Variants in PRDM15 observed in about 807,000 individuals in gnomAD.
The protein encoded by PRDM15 is PR domain zinc finger protein 15.
In PRDM15, 64 loss-of-function variants were observed where a neutral mutation model predicts 128.6. That is an observed-to-expected ratio of 0.50 (90% CI 0.41 to 0.61). The LOEUF (loss-of-function observed/expected upper bound fraction) is 0.61, where lower values mean the gene tolerates loss of function less well. Among genes scored for constraint, PRDM15 ranks in the 20% least tolerant of loss-of-function variants. PRDM15 has a pLI of 0.00. For missense variants in PRDM15, 1,242 were observed against 1,569.1 expected (o/e 0.79, Z 3.52); for synonymous variants, 615 against 621.8 (o/e 0.99, Z 0.16).
chr21:41,851,316 G>A (rs1418058283), intron 5 of PRDM15, among the ~76,000 whole-genome samples: 3 of 152,328 alleles, frequency 2.0e-5, no homozygotes, highest in East Asian at 3.9e-4. Context: ...GCCTCTCTTC[G>A]AAGGTCTTGT....
chr21:41,810,015 A>G lies in PRDM15; in HGVS notation c.2652+139T>C. 1.3e-6 allele frequency: 1 copy of G among 792,280 alleles called. No individual in the cohort carries two copies. Among genetic ancestry groups the G allele is most frequent in the Non-Finnish European group, 2.0e-6 (1 of 509,074 alleles). The allele number at this position is 792,280 out of a possible 1,614,324, so 49.1% of individuals were successfully genotyped here. On this transcript the variant is annotated intron_variant, in intron 21 of 23. Coordinates refer to ENST00000398548, the MANE Select transcript of PRDM15 (RefSeq NM_001040424.3). The surrounding 1 kb of genome is among the most constrained non-coding windows in gnomAD (Gnocchi z 6.4). ...TGCCTCCTGTGTGGCAGGCAGTGCC[A>G]GTCACAGACGCACCTAAGACTCAGG...
rs1601521898 is a variant in PRDM15, at chr21:41,878,829, C to G, written c.-10+441G>C. On this transcript the variant is annotated intron_variant, in intron 1 of 23. Coordinates refer to ENST00000398548, the MANE Select transcript of PRDM15 (RefSeq NM_001040424.3). ...CGACGACGCCGCCCGGCGGCGGGGG[C>G]CGCGGGGCCGCGGGCCGGGGCGGCG... is the stretch of plus-strand genomic sequence containing the variant. 3.0e-6 allele frequency: 3 copies of G among 986,616 alleles called. 1 individual carries two copies. Among genetic ancestry groups the G allele is most frequent in the South Asian group, 1.0e-4 (2 of 20,004 alleles). The allele number at this position is 986,616 out of a possible 1,614,324, so 61.1% of individuals were successfully genotyped here.
intron 5 of PRDM15, among the ~76,000 whole-genome samples, chr21:41,847,981 G>A (rs911483260): frequency 1.3e-5 from 2 of 152,212 alleles, no homozygotes; most frequent in Middle Eastern, 3.2e-3. Context: ...CAATTGGGAG[G>A]CGTTTTAAGT....
In PRDM15 at chr21:41,828,707, G is replaced by A. The variant is rs2062559880; in HGVS notation, c.1367-374C>T. Among the ~76,000 whole-genome samples the A allele has an allele frequency of 6.6e-6, 1 of 151,830 alleles. No individual in the cohort carries two copies. Among genetic ancestry groups the A allele is most frequent in the African/African-American group, 2.4e-5 (1 of 41,214 alleles). On this transcript the variant is annotated intron_variant, in intron 11 of 23. Transcript: ENST00000398548. This position sits in a 1 kb window ranked among gnomAD's most constrained non-coding sequence, Gnocchi z 5.7. ...CACCCTCCACCCAGCATGACTGACT[G>A]ACAGATAGAATGACCTACCTACCAA... is the stretch of plus-strand genomic sequence containing the variant.
rs760650245 is a variant in PRDM15 at position 41,804,557 on chromosome 21, C to T, written c.2710G>A (p.Ala904Thr). 1.1e-5 allele frequency: 17 copies of T among 1,569,916 alleles called. No individual in the cohort carries two copies. Among genetic ancestry groups the T allele is most frequent in the Admixed American group, 3.8e-5 (2 of 52,810 alleles). ...DHLPETTTIDASSIGIVQPEL... is the reference protein window; with the variant it reads ...DHLPETTTIDTSSIGIVQPEL... ...ACCTGGACGATGCCAATGGAGGAGG[C>T]GTCGATGGTGGTGGTCTCCGGGAGG... The change falls in exon 22 of 24, where the codon GCC (alanine) becomes ACC (threonine). Residue 904 changes from alanine to threonine, a missense_variant. Around this residue, in one of 3 missense-constraint regions of PRDM15, gnomAD observed 602 missense variants for 788.3 expected, o/e 0.76. Transcript: ENST00000398548.
chr21:41,821,038 C>T lies in PRDM15; in HGVS notation c.2060+29G>A, dbSNP rs375375254. The T allele has an allele frequency of 6.2e-7, 1 of 1,613,916 alleles. No homozygotes were observed. Among genetic ancestry groups the T allele is most frequent in the African/African-American group, 1.3e-5 (1 of 74,926 alleles). On this transcript the variant is annotated intron_variant, in intron 16 of 23. Transcript: ENST00000398548. The surrounding 1 kb of genome is among the most constrained non-coding windows in gnomAD (Gnocchi z 5.4). ...GAAGCATGTCCCCTCTCTCCTGACA[C>T]AACCCGGGAGCCCCCGACCAGGCCT...
At chr21:41,860,621 CCAT>C (rs995402640) in intron 1 of PRDM15, among the ~76,000 whole-genome samples, 4 of 152,152 alleles carry the variant, frequency 2.6e-5, no homozygotes, top group African/African-American at 9.7e-5. Context: ...CGGGGTTTCA[CCAT>C]GTTGGCCAGG....
chr21:41,810,308 G>T lies in PRDM15; in HGVS notation c.2498C>A (p.Ser833Tyr). 1 of 1,613,244 alleles carries T rather than the reference G, an allele frequency of 6.2e-7. No individual in the cohort carries two copies. The highest frequency in any genetic ancestry group is 1.1e-5 in the South Asian group (1 of 90,954). ...IHTVGKQWTC[S>Y]VCDKKYVTEY... ...GGTCACGTACTTCTTGTCGCACACG[G>T]AGCACGTCCACTGCTTGCCCACTTT... The change falls in exon 21 of 24, where the codon TCC (serine) becomes TAC (tyrosine). Residue 833 changes from serine (S) to tyrosine (Y), a missense_variant. Ser to Tyr is a moderately radical substitution (Grantham distance 144). Around this residue, in one of 3 missense-constraint regions of PRDM15, gnomAD observed 602 missense variants for 788.3 expected, o/e 0.76. Coordinates refer to ENST00000398548, the MANE Select transcript of PRDM15 (RefSeq NM_001040424.3). This position sits in a 1 kb window ranked among gnomAD's most constrained non-coding sequence, Gnocchi z 6.4.
intron 7 of PRDM15, among the ~76,000 whole-genome samples, chr21:41,838,749 G>A (rs2062977296): frequency 6.6e-6 from 1 of 152,212 alleles, no homozygotes. Context: ...GCGCCCAACA[G>A]TGCACAGCCT....
At chr21:41,878,202 T>C (rs2064488961) in intron 1 of PRDM15, among the ~76,000 whole-genome samples, 1 of 152,252 alleles carries the variant, frequency 6.6e-6, no homozygotes, top group South Asian at 2.1e-4. Context: ...TTCACTTGAG[T>C]CTGGCTTAAG....
At chr21:41,838,715 G>A (rs1247660518) in intron 7 of PRDM15, among the ~76,000 whole-genome samples, 1 of 152,214 alleles carries the variant, frequency 6.6e-6, no homozygotes, top group Non-Finnish European at 1.5e-5. Context: ...ACTGGCCAGG[G>A]GGCTTTCAGG....
intron 1 of PRDM15, among the ~76,000 whole-genome samples, chr21:41,872,650 T>A (rs1487873725): frequency 1.3e-5 from 2 of 152,148 alleles, no homozygotes; most frequent in South Asian, 2.1e-4. Context: ...ACATGTATCA[T>A]CTCTTTGTGT....
In PRDM15 at chr21:41,828,340, A is replaced by G. The variant is rs377658478; in HGVS notation, c.1367-7T>C. The G allele has an allele frequency of 6.2e-7, 1 of 1,613,766 alleles. No homozygotes were observed. The highest frequency in any genetic ancestry group is 1.3e-5 in the African/African-American group (1 of 75,014). Reference sequence around the variant, plus strand: ...CATTGGAACGTCTTGTCATCTGTCCAGAGAGCAAACAAACACACAACGATT... The same window carrying G: ...CATTGGAACGTCTTGTCATCTGTCCGGAGAGCAAACAAACACACAACGATT... On this transcript the variant is annotated splice_region_variant and splice_polypyrimidine_tract_variant and intron_variant, in intron 11 of 23. Transcript: ENST00000398548. The surrounding 1 kb of genome is among the most constrained non-coding windows in gnomAD (Gnocchi z 5.7).
At chr21:41,809,067 G>A (rs2061772698) in intron 21 of PRDM15, among the ~76,000 whole-genome samples, 1 of 152,180 alleles carries the variant, frequency 6.6e-6, no homozygotes, top group Non-Finnish European at 1.5e-5. Context: ...TGCGCGGTGA[G>A]CTGAACGCCT....
intron 4 of PRDM15, 117 bp downstream of exon 4, chr21:41,857,059 G>T: frequency 1.2e-6 from 1 of 865,774 alleles, no homozygotes; most frequent in Non-Finnish European, 1.8e-6. Flanking sequence ...AATATTTGGA[G>T]CTGTTTTTGA....
chr21:41,859,570 G>A lies in PRDM15; in HGVS notation c.131+22C>T, dbSNP rs1255748956. 1 of 1,602,460 alleles carries A rather than the reference G, an allele frequency of 6.2e-7. No homozygotes were observed. Among genetic ancestry groups the A allele is most frequent in the Non-Finnish European group, 8.5e-7 (1 of 1,170,272 alleles). ...CCGCAGCTGGCATATGGAAGGCCCGGGAGCTCACGGCGGTCACTCACCTTG... is the reference window on the plus strand; with the variant it reads ...CCGCAGCTGGCATATGGAAGGCCCGAGAGCTCACGGCGGTCACTCACCTTG... On this transcript the variant is annotated intron_variant, in intron 3 of 23. Transcript: ENST00000398548. This position sits in a 1 kb window ranked among gnomAD's most constrained non-coding sequence, Gnocchi z 5.3.
rs762695192 is a variant in PRDM15, at chr21:41,802,856, A to G, written c.2799T>C (p.Ser933=). 1 of 1,614,128 alleles carries G rather than the reference A, an allele frequency of 6.2e-7. No homozygotes were observed. Among genetic ancestry groups the G allele is most frequent in the Non-Finnish European group, 8.5e-7 (1 of 1,180,042 alleles). The change falls in exon 23 of 24, where the codon AGT becomes AGC. Residue 933 remains serine (S), a synonymous_variant. Transcript: ENST00000398548. ...CTTCTGGCTTCTGCTTTCTCTTGTG[A>G]CTTCGCTTGGCAGCTTTCCCGTGCT... ...EGKHGKAAKR[S]HKRKQKPEEE...
rs199726171 is a variant in PRDM15 at position 41,828,140 on chromosome 21, C to T, written c.1534+26G>A. ...CCCGCAGGAGCTGCCTCTCCCCGCC[C>T]GCAGCAGGTGCGCAGGCGGCCTCAC... On this transcript the variant is annotated intron_variant, in intron 12 of 23. Coordinates refer to ENST00000398548, the MANE Select transcript of PRDM15 (RefSeq NM_001040424.3). This position sits in a 1 kb window ranked among gnomAD's most constrained non-coding sequence, Gnocchi z 5.7. 1,398 of 1,610,196 alleles carry T rather than the reference C, an allele frequency of 8.7e-4. 6 individuals are homozygous for T. Among genetic ancestry groups the T allele is most frequent in the South Asian group, 4.9e-3 (448 of 90,990 alleles).
chr21:41,859,200 T>A lies in PRDM15; in HGVS notation c.131+392A>T. ...CCCCGCATCCCCTGCCCCGCCTGGGTGTGCACGTGTCCGCTGGCAGGCCAA... is the reference window on the plus strand; with the variant it reads ...CCCCGCATCCCCTGCCCCGCCTGGGAGTGCACGTGTCCGCTGGCAGGCCAA... On this transcript the variant is annotated intron_variant, in intron 3 of 23. Transcript: ENST00000398548. This position sits in a 1 kb window ranked among gnomAD's most constrained non-coding sequence, Gnocchi z 5.3. 6.2e-7 allele frequency: 1 copy of A among 1,613,916 alleles called. No homozygotes were observed. The highest frequency in any genetic ancestry group is 8.5e-7 in the Non-Finnish European group (1 of 1,179,968).
Sources: allele counts gnomAD v4.1 joint callset (sites outside exome capture counted in the v4.1 genomes callset), GRCh38; gene constraint gnomAD v4.1.1; regional missense constraint gnomAD v4.1.1; non-coding constraint Gnocchi (gnomAD v3.1); transcripts MANE v1.5; gene names NCBI Gene and HGNC (gene_info 2026-07-23, HGNC 2026-07-21).